MTF2: variants seen among roughly 807,000 people sequenced by gnomAD.
MTF2 encodes the protein metal response element binding transcription factor 2, also known as metal-response element-binding transcription factor 2.
In MTF2, 11 loss-of-function variants were observed where a neutral mutation model predicts 79.5. The observed-to-expected ratio is 0.14, with a 90% CI of 0.09 to 0.23. The LOEUF (loss-of-function observed/expected upper bound fraction) is 0.23. MTF2 is among the 10% of genes least tolerant of loss of function. The pLI, the probability that MTF2 is intolerant of heterozygous loss-of-function variation, is 1.00. For missense variants in MTF2, 486 were observed against 711.2 expected (o/e 0.68, Z 3.60); for synonymous variants, 208 against 232.8 (o/e 0.89, Z 0.97).
intron 3 of MTF2, 121 bp downstream of exon 3, chr1:93,110,747 G>A: frequency 2.6e-6 from 2 of 762,552 alleles, no homozygotes; most frequent in Non-Finnish European, 4.3e-6. Context: ...TTACTTCCTA[G>A]GAGAGGTTAA....
intron 10 of MTF2, 143 bp downstream of exon 10, chr1:93,127,442 GTTAGA>G (rs1244559224): frequency 1.8e-6 from 1 of 561,530 alleles, no homozygotes; most frequent in Non-Finnish European, 3.1e-6. Flanking sequence ...TTCTATTTTA[GTTAGA>G]TTAAAGCAGT....
intron 1 of MTF2, among the ~76,000 whole-genome samples, chr1:93,103,527 CATTT>C (rs1393255100): frequency 1.3e-5 from 2 of 151,662 alleles, no homozygotes; most frequent in Non-Finnish European, 2.9e-5. Flanking sequence ...TTATTAAAAA[CATTT>C]ATATGAATTA....
intron 11 of MTF2, among the ~76,000 whole-genome samples, chr1:93,132,092 A>T (rs1656941517): frequency 1.3e-5 from 2 of 152,016 alleles, no homozygotes; most frequent in African/African-American, 4.8e-5. Context: ...CATTTTCTCG[A>T]TGAAATATAA....
chr1:93,091,219 T>A (rs1655063153), intron 1 of MTF2, among the ~76,000 whole-genome samples: 1 of 152,160 alleles, frequency 6.6e-6, no homozygotes, highest in African/African-American at 2.4e-5. Flanking sequence ...ACCCGTCTGG[T>A]ACATCTGGTA....
intron 1 of MTF2, among the ~76,000 whole-genome samples, chr1:93,109,364 T>C (rs1655939213): frequency 6.6e-6 from 1 of 152,080 alleles, no homozygotes; most frequent in Non-Finnish European, 1.5e-5. Flanking sequence ...GACAGAGTCT[T>C]GCTCTGTTGC....
chr1:93,114,773 G>A lies in MTF2; in HGVS notation c.372G>A (p.Lys124=), dbSNP rs1020225466. The A allele has an allele frequency of 6.2e-7, 1 of 1,608,504 alleles. No individual in the cohort carries two copies. The highest frequency in any genetic ancestry group is 8.5e-7 in the Non-Finnish European group (1 of 1,176,842). ...EAPNEMVICD[K]CGQGYHQLCH... The stretch of plus-strand genomic sequence containing the variant: ...CCAATGAAATGGTTATATGTGACAA[G>A]TGTGGCCAAGGTAACCATTGATTTC... The change falls in exon 4 of 15, where the codon AAG becomes AAA. Residue 124 remains lysine (K), a synonymous_variant. Coordinates refer to ENST00000370298, the MANE Select transcript of MTF2 (RefSeq NM_007358.4).
chr1:93,125,701 G>A lies in MTF2; in HGVS notation c.922-1531G>A, dbSNP rs561133558. Among the ~76,000 whole-genome samples, 36 of 152,098 alleles carry A rather than the reference G, an allele frequency of 2.4e-4. No homozygotes were observed. The South Asian group carries it at 7.5e-3, about 32-fold the overall frequency. On this transcript the variant is annotated intron_variant, in intron 9 of 14. Transcript: ENST00000370298. ...TTCATCTGATAAGATTTCACAGTTG[G>A]GGTGGGGAGGGGGGACCAGGAAGAA...
intron 6 of MTF2, among the ~76,000 whole-genome samples, chr1:93,117,741 C>G (rs1656306115): frequency 6.6e-6 from 1 of 152,046 alleles, no homozygotes; most frequent in Non-Finnish European, 1.5e-5. Flanking sequence ...AAAAAAAGCC[C>G]AGAGGCCTGG....
chr1:93,092,459 C>T (rs1655111233), intron 1 of MTF2, among the ~76,000 whole-genome samples: 1 of 152,122 alleles, frequency 6.6e-6, no homozygotes, highest in South Asian at 2.1e-4. Context: ...GGCTTTTTTA[C>T]CAAAACAATG....
chr1:93,110,647 T>G, intron 3 of MTF2, 21 bp downstream of exon 3: 1 of 1,555,108 alleles, frequency 6.4e-7, no homozygotes, highest in Non-Finnish European at 8.8e-7. Flanking sequence ...CTATTTCTCT[T>G]GAACATGATT....
chr1:93,126,158 G>GTT (rs36038463), intron 9 of MTF2, among the ~76,000 whole-genome samples: 66 of 149,022 alleles, frequency 4.4e-4, no homozygotes, highest in African/African-American at 9.9e-4. Flanking sequence ...TATTTAACAT[G>GTT]TTTTTTTTTT....
Position 93,136,778 on chromosome 1 carries a change from G to A in MTF2, c.1533G>A (p.Gln511=). The A allele has an allele frequency of 6.2e-7, 1 of 1,614,158 alleles. No individual in the cohort carries two copies. Among genetic ancestry groups the A allele is most frequent in the Non-Finnish European group, 8.5e-7 (1 of 1,180,010 alleles). ...TTCCAAGAAGAGCACTCCAGACTCA[G>A]AACTCAGAAATTGTAAAAGATGATG... The part of the protein sequence containing the change: ...GRLPRRALQT[Q]NSEIVKDDEG... The change falls in exon 15 of 15, where the codon CAG becomes CAA. Residue 511 remains glutamine, a synonymous_variant. Transcript: ENST00000370298.
intron 5 of MTF2, 71 bp from the exon 6 acceptor site, chr1:93,115,399 G>A (rs1656210616): frequency 1.4e-5 from 18 of 1,247,224 alleles, no homozygotes; most frequent in African/African-American, 3.0e-5. Flanking sequence ...TGTCAGAGTC[G>A]TTTTTAAAGT....
intron 1 of MTF2, among the ~76,000 whole-genome samples, chr1:93,081,594 G>C (rs560142062): frequency 6.6e-6 from 1 of 152,076 alleles, no homozygotes; most frequent in South Asian, 2.1e-4. Context: ...TTTGTTTATT[G>C]CTGTGAAATC....
chr1:93,081,658 T>C (rs1335895833), intron 1 of MTF2, among the ~76,000 whole-genome samples: 2 of 152,326 alleles, frequency 1.3e-5, no homozygotes, highest in East Asian at 1.9e-4. Flanking sequence ...ATATTTCTTA[T>C]ATGTTAGAGT....
chr1:93,110,355 G>A lies in MTF2; in HGVS notation c.131G>A (p.Cys44Tyr), dbSNP rs781395811. The change falls in exon 2 of 15, where the codon TGT becomes TAT. Residue 44 changes from cysteine (C) to tyrosine (Y), a missense_variant. Around this residue, in one of 4 missense-constraint regions of MTF2, gnomAD observed 75 missense variants for 83.8 expected, o/e 0.89. Transcript: ENST00000370298. ...GGACATAAAGCCAAAAAGCCAGCATGTAAATTTGAAGAGGGTCAGGATGTC... is the reference window on the plus strand; with the variant it reads ...GGACATAAAGCCAAAAAGCCAGCATATAAATTTGAAGAGGGTCAGGATGTC... ...QDGHKAKKPACKFEEGQDVLA... is the reference protein window; with the variant it reads ...QDGHKAKKPAYKFEEGQDVLA... 6.2e-7 allele frequency: 1 copy of A among 1,614,202 alleles called. No homozygotes were observed. Among genetic ancestry groups the A allele is most frequent in the Non-Finnish European group, 8.5e-7 (1 of 1,180,034 alleles).
intron 10 of MTF2, 115 bp from the exon 11 acceptor site, chr1:93,129,163 G>A (rs1045094831): frequency 6.6e-6 from 4 of 609,450 alleles, no homozygotes; most frequent in Non-Finnish European, 1.0e-5. Context: ...GTGAATTTTT[G>A]TAGTATTGGG....
intron 7 of MTF2, 50 bp downstream of exon 7, chr1:93,118,490 TGTG>T: frequency 2.3e-6 from 3 of 1,302,086 alleles, no homozygotes; most frequent in Non-Finnish European, 3.2e-6. Context: ...ACTTTTTAAT[TGTG>T]GTTATATTTG....
intron 9 of MTF2, among the ~76,000 whole-genome samples, chr1:93,125,806 A>G (rs1218937272): frequency 1.3e-5 from 2 of 152,096 alleles, no homozygotes; most frequent in African/African-American, 2.4e-5. Flanking sequence ...TTATAATTAG[A>G]CATAATAATT....
Sources: allele counts gnomAD v4.1 joint callset (sites outside exome capture counted in the v4.1 genomes callset), GRCh38; gene constraint gnomAD v4.1.1; regional missense constraint gnomAD v4.1.1; transcripts MANE v1.5; gene names NCBI Gene and HGNC (gene_info 2026-07-23, HGNC 2026-07-21).